The following PDE10A variants were observed in gnomAD, a reference collection of about 807,000 sequenced individuals.
PDE10A encodes the protein phosphodiesterase 10A.
In PDE10A, 39 loss-of-function variants were observed where a neutral mutation model predicts 97.7. That is an observed-to-expected ratio of 0.40 (90% CI 0.31 to 0.52). The LOEUF (loss-of-function observed/expected upper bound fraction) is 0.52. Ranked by LOEUF, PDE10A falls within the 20% of genes least tolerant of loss-of-function variation. PDE10A has a pLI of 0.56. For missense variants in PDE10A, 731 were observed against 1,047.8 expected, an observed-to-expected ratio of 0.70 and a Z score of 4.17; for synonymous variants, 371 against 376.8, an observed-to-expected ratio of 0.98 and a Z score of 0.18.
At chr6:165,547,793 A>G (rs975931921) in intron 1 of PDE10A, among the ~76,000 whole-genome samples, 12 of 152,276 alleles carry the variant, frequency 7.9e-5, no homozygotes, top group African/African-American at 2.6e-4. Context: ...AATAACATCA[A>G]CAATGATACA....
chr6:165,934,246 A>G (rs1783250237), intron 1 of PDE10A, among the ~76,000 whole-genome samples: 1 of 146,844 alleles, frequency 6.8e-6, no homozygotes, highest in African/African-American at 2.5e-5. Context: ...GTGATCCGCC[A>G]ATCTTGGCCT....
At chr6:165,337,584 G>A (rs1003349354) in intron 20 of PDE10A, among the ~76,000 whole-genome samples, 1 of 152,204 alleles carries the variant, frequency 6.6e-6, no homozygotes, top group Non-Finnish European at 1.5e-5. Context: ...TTAGAAATTA[G>A]AGTATTTCAT....
At chr6:165,536,837 G>C (rs557483322) in intron 2 of PDE10A, among the ~76,000 whole-genome samples, 2 of 151,970 alleles carry the variant, frequency 1.3e-5, no homozygotes, top group East Asian at 3.9e-4. Context: ...ATGCTCGTAC[G>C]CTATTGGTAG....
At chr6:165,856,866 G>A (rs938675082) in intron 1 of PDE10A, among the ~76,000 whole-genome samples, 2 of 152,088 alleles carry the variant, frequency 1.3e-5, no homozygotes, top group Non-Finnish European at 2.9e-5. Context: ...CCACTCCAGT[G>A]GATTAAAGAA....
At chr6:165,640,382 T>C (rs553417399) in intron 1 of PDE10A, among the ~76,000 whole-genome samples, 94 of 152,358 alleles carry the variant, frequency 6.2e-4, no homozygotes, top group African/African-American at 2.1e-3. Context: ...TAAACAAGTA[T>C]ATTCTTGGTC....
intron 1 of PDE10A, among the ~76,000 whole-genome samples, chr6:165,771,699 T>G (rs938690431): frequency 4.4e-5 from 5 of 113,810 alleles, no homozygotes; most frequent in African/African-American, 1.6e-4. Flanking sequence ...AAAGCAAAAA[T>G]GAAAAGCCCT....
At chr6:165,393,895 CA>C (rs1408964645) in intron 15 of PDE10A, among the ~76,000 whole-genome samples, 1 of 151,942 alleles carries the variant, frequency 6.6e-6, no homozygotes, top group Non-Finnish European at 1.5e-5. Flanking sequence ...TAGGACAGGC[CA>C]AAGTGGGTGG....
At chr6:165,533,143 C>G (rs73039549) in intron 2 of PDE10A, among the ~76,000 whole-genome samples, 6 of 152,208 alleles carry the variant, frequency 3.9e-5, no homozygotes, top group Non-Finnish European at 8.8e-5. Context: ...AATATATAGT[C>G]ACAAAATATA....
chr6:165,753,910 G>A (rs1403814531), intron 1 of PDE10A, among the ~76,000 whole-genome samples: 1 of 152,158 alleles, frequency 6.6e-6, no homozygotes, highest in Non-Finnish European at 1.5e-5. Flanking sequence ...ACTCAAACAT[G>A]TCAAACTAGT....
intron 1 of PDE10A, among the ~76,000 whole-genome samples, chr6:165,756,972 A>T (rs1479699167): frequency 1.4e-5 from 2 of 146,320 alleles, no homozygotes; most frequent in Non-Finnish European, 3.0e-5. Flanking sequence ...TTAGGATGCT[A>T]TTTTTTTTTT....
At chr6:165,602,857 G>T (rs1787030395) in intron 1 of PDE10A, among the ~76,000 whole-genome samples, 1 of 151,984 alleles carries the variant, frequency 6.6e-6, no homozygotes, top group Admixed American at 6.6e-5. Flanking sequence ...TCACTGAAGA[G>T]CCTCATCTAC....
At chr6:165,938,700 G>A (rs1005552078) in intron 1 of PDE10A, among the ~76,000 whole-genome samples, 4 of 151,838 alleles carry the variant, frequency 2.6e-5, no homozygotes, top group Admixed American at 6.6e-5. Flanking sequence ...ATTTAAAGAA[G>A]TCCTGTAGTG....
chr6:165,384,337 T>C (rs1785115431), intron 17 of PDE10A, among the ~76,000 whole-genome samples: 4 of 138,060 alleles, frequency 2.9e-5, no homozygotes, highest in African/African-American at 1.1e-4. Flanking sequence ...CTGCTAAATG[T>C]CCACCATGAG....
chr6:165,467,895 G>C (rs1055483091), intron 3 of PDE10A, among the ~76,000 whole-genome samples: 1 of 152,130 alleles, frequency 6.6e-6, no homozygotes, highest in Non-Finnish European at 1.5e-5. Flanking sequence ...GGCTGATGTG[G>C]CAAACTTTAT....
Position 165,334,481 on chromosome 6 carries a change from G to A in PDE10A, c.3066-1354C>T, listed in dbSNP as rs757284617. ...CGCCTCCATAGCGCCCTACAGCACC[G>A]GGCATGCACAGTCAGCACTCATGAC... is the stretch of plus-strand genomic sequence containing the variant. On this transcript the variant is annotated intron_variant, in intron 21 of 21. Coordinates refer to ENST00000539869, the MANE Select transcript of PDE10A (RefSeq NM_001385079.1). 6.6e-5 allele frequency among the ~76,000 whole-genome samples: 10 copies of A among 152,140 alleles called. No homozygotes were observed. In the East Asian group the frequency reaches 7.7e-4, roughly 12 times the overall value.
chr6:165,473,838 T>C (rs2075402239), intron 3 of PDE10A, among the ~76,000 whole-genome samples: 3 of 152,236 alleles, frequency 2.0e-5, no homozygotes. Context: ...TTAAGAAAAT[T>C]CTATTCACAG....
intron 1 of PDE10A, among the ~76,000 whole-genome samples, chr6:165,935,181 C>A (rs1783282662): frequency 6.6e-6 from 1 of 152,144 alleles, no homozygotes; most frequent in African/African-American, 2.4e-5. Flanking sequence ...ACTCTATCAG[C>A]AAGAGAGAGC....
intron 1 of PDE10A, among the ~76,000 whole-genome samples, chr6:165,934,440 T>C: frequency 6.6e-6 from 1 of 152,030 alleles, no homozygotes; most frequent in South Asian, 2.1e-4. Context: ...TCCTTCAACT[T>C]GTCTACACCA....
At chr6:165,768,116 T>C (rs768465719) in intron 1 of PDE10A, among the ~76,000 whole-genome samples, 6 of 152,206 alleles carry the variant, frequency 3.9e-5, no homozygotes, top group Non-Finnish European at 7.3e-5. Flanking sequence ...CCTTTGCACA[T>C]TTTTTTGTAA....
Sources: gnomAD v4.1 joint callset for allele counts (sites outside exome capture counted in the v4.1 genomes callset) on GRCh38, gnomAD v4.1.1 for gene constraint, MANE v1.5 for transcripts, NCBI Gene and HGNC (gene_info 2026-07-23, HGNC 2026-07-21) for gene names.